The following RARB variants were observed in gnomAD, a reference collection of about 807,000 sequenced individuals.
RARB encodes retinoic acid receptor beta.
RARB carries 17 observed loss-of-function variants against 51.9 expected under a neutral mutation model. The observed-to-expected ratio is 0.33, with a 90% CI of 0.22 to 0.49. The LOEUF is 0.49. RARB is among the 20% of genes least tolerant of loss of function. RARB has a pLI of 0.99. For missense variants in RARB, 369 were observed against 550.8 expected, an observed-to-expected ratio of 0.67 and a Z score of 3.30; for synonymous variants, 215 against 195.4, an observed-to-expected ratio of 1.10 and a Z score of -0.84.
At chr3:25,179,465 G>A (rs1005135708) in intron 5 of RARB, among the ~76,000 whole-genome samples, 1 of 151,990 alleles carries the variant, frequency 6.6e-6, no homozygotes, top group Non-Finnish European at 1.5e-5. Context: ...AAGATATCAG[G>A]GACTTAATAT....
At chr3:25,177,752 A>G (rs1480614906) in intron 5 of RARB, among the ~76,000 whole-genome samples, 1 of 152,198 alleles carries the variant, frequency 6.6e-6, no homozygotes, top group Non-Finnish European at 1.5e-5. Flanking sequence ...CTCTAAGCCT[A>G]CAGCACAATG....
At chr3:25,170,462 A>G (rs2125351174) in intron 4 of RARB, among the ~76,000 whole-genome samples, 1 of 152,088 alleles carries the variant, frequency 6.6e-6, no homozygotes, top group Middle Eastern at 3.4e-3. Flanking sequence ...GGGCCTGGAG[A>G]ATTTGCATTT....
At chr3:25,193,833 TA>T (rs1291623893) in intron 5 of RARB, among the ~76,000 whole-genome samples, 1 of 152,050 alleles carries the variant, frequency 6.6e-6, no homozygotes, top group Non-Finnish European at 1.5e-5. Context: ...TCTGTGTTTA[TA>T]TGACATATAC....
At chr3:25,192,849 AGTCCCTC>A (rs1241791446) in intron 5 of RARB, among the ~76,000 whole-genome samples, 1 of 152,016 alleles carries the variant, frequency 6.6e-6, no homozygotes, top group Non-Finnish European at 1.5e-5. Flanking sequence ...CATAGTATCT[AGTCCCTC>A]GTAGACAAAC....
chr3:25,179,926 C>T (rs997318359), intron 5 of RARB, among the ~76,000 whole-genome samples: 1 of 152,122 alleles, frequency 6.6e-6, no homozygotes, highest in Non-Finnish European at 1.5e-5. Flanking sequence ...ACTTTTGCAC[C>T]AACCTAATAA....
intron 3 of RARB, among the ~76,000 whole-genome samples, chr3:25,541,908 G>C (rs1264372237): frequency 6.6e-6 from 1 of 152,154 alleles, no homozygotes; most frequent in Admixed American, 6.5e-5. Context: ...CGTTTCGTGG[G>C]AGGTAGCTGT....
chr3:25,144,496 T>C (rs755362788), intron 4 of RARB, among the ~76,000 whole-genome samples: 17 of 152,062 alleles, frequency 1.1e-4, no homozygotes, highest in Non-Finnish European at 2.2e-4. Context: ...GTTAAAAAAT[T>C]CAGATCAAAT....
chr3:25,453,366 G>A (rs1709282153), intron 1 of RARB, among the ~76,000 whole-genome samples: 1 of 149,658 alleles, frequency 6.7e-6, no homozygotes, highest in Non-Finnish European at 1.5e-5. Context: ...TCCTGCCTCA[G>A]CCTCCCGAGT....
chr3:25,572,189 A>C (rs913845462), intron 4 of RARB, among the ~76,000 whole-genome samples: 1 of 152,180 alleles, frequency 6.6e-6, no homozygotes, highest in African/African-American at 2.4e-5. Flanking sequence ...AGTTGAGAGC[A>C]AGTGGGAAGT....
At chr3:25,103,789 T>C (rs1699448226) in intron 3 of RARB, among the ~76,000 whole-genome samples, 4 of 152,252 alleles carry the variant, frequency 2.6e-5, no homozygotes, top group African/African-American at 9.6e-5. Context: ...TTTCCTCCAT[T>C]TTGATGGCAG....
chr3:25,512,556 A>C (rs368067828), intron 3 of RARB, among the ~76,000 whole-genome samples: 2 of 152,228 alleles, frequency 1.3e-5, no homozygotes, highest in African/African-American at 4.8e-5. Flanking sequence ...ACTAGCCATC[A>C]CTGACCACTC....
At chr3:25,311,531 C>T (rs956201307) in intron 5 of RARB, among the ~76,000 whole-genome samples, 4 of 152,182 alleles carry the variant, frequency 2.6e-5, no homozygotes, top group African/African-American at 9.7e-5. Flanking sequence ...AATAGCTATA[C>T]CATTAAATAT....
intron 5 of RARB, among the ~76,000 whole-genome samples, chr3:25,217,965 TG>T (rs1300332306): frequency 6.6e-6 from 1 of 152,230 alleles, no homozygotes; most frequent in Non-Finnish European, 1.5e-5. Flanking sequence ...TGAATCCATA[TG>T]GTTCTCTCTT....
intron 5 of RARB, among the ~76,000 whole-genome samples, chr3:25,286,125 G>A (rs1703646817): frequency 9.2e-6 from 1 of 108,392 alleles, no homozygotes; most frequent in Non-Finnish European, 1.7e-5. Flanking sequence ...CGGAGTCTCT[G>A]TCACCAAGGC....
chr3:25,176,031 T>C (rs1700737116), intron 5 of RARB, among the ~76,000 whole-genome samples: 1 of 152,196 alleles, frequency 6.6e-6, no homozygotes, highest in African/African-American at 2.4e-5. Context: ...GATAAAGCCA[T>C]TAAAATTTTA....
At chr3:24,902,173 C>T (rs968065274) in intron 2 of RARB, among the ~76,000 whole-genome samples, 76 of 152,250 alleles carry the variant, frequency 5.0e-4, no homozygotes, top group Admixed American at 2.2e-3. Flanking sequence ...CACATTCCTA[C>T]GTCTGAGAAG....
chr3:25,373,365 G>T (rs191142461), intron 5 of RARB, among the ~76,000 whole-genome samples: 1 of 152,210 alleles, frequency 6.6e-6, no homozygotes, highest in African/African-American at 2.4e-5. Flanking sequence ...ACCAACCCAG[G>T]AAATGAAGAA....
intron 5 of RARB, among the ~76,000 whole-genome samples, chr3:25,250,835 A>T (rs948095982): frequency 6.6e-6 from 1 of 152,054 alleles, no homozygotes; most frequent in African/African-American, 2.4e-5. Flanking sequence ...TAGTCTCAGG[A>T]CTCACAAGGG....
chr3:25,203,499 A>G (rs1293500715), intron 5 of RARB, among the ~76,000 whole-genome samples: 5 of 152,128 alleles, frequency 3.3e-5, no homozygotes, highest in Non-Finnish European at 7.4e-5. Context: ...TATTTTGCTC[A>G]TTAGTTGATG....
Sources: allele counts gnomAD v4.1 joint callset (sites outside exome capture counted in the v4.1 genomes callset), GRCh38; gene constraint gnomAD v4.1.1; transcripts MANE v1.5; gene names NCBI Gene and HGNC (gene_info 2026-07-23, HGNC 2026-07-21).